TMEM117: variants seen among roughly 807,000 people sequenced by gnomAD.
The protein encoded by TMEM117 is transmembrane protein 117.
A neutral mutation model predicts 52.4 loss-of-function variants in TMEM117; 27 were observed. That is an observed-to-expected ratio of 0.51 (90% CI 0.38 to 0.71). The LOEUF is 0.71. Ranked by LOEUF, TMEM117 falls within the 30% of genes least tolerant of loss-of-function variation. The pLI, the probability that TMEM117 is intolerant of heterozygous loss-of-function variation, is 0.00. For missense variants in TMEM117, 556 were observed against 630.5 expected, an observed-to-expected ratio of 0.88 and a Z score of 1.26; for synonymous variants, 215 against 206.3, an observed-to-expected ratio of 1.04 and a Z score of -0.36.
chr12:44,384,140 A>G (rs1456988024), intron 7 of TMEM117, among the ~76,000 whole-genome samples: 1 of 152,130 alleles, frequency 6.6e-6, no homozygotes, highest in Admixed American at 6.6e-5. Context: ...AAGCATTACC[A>G]AGGTAACGAC....
At chr12:43,917,938 A>G (rs1368252487) in intron 2 of TMEM117, among the ~76,000 whole-genome samples, 2 of 152,116 alleles carry the variant, frequency 1.3e-5, no homozygotes, top group Non-Finnish European at 2.9e-5. Flanking sequence ...TCTCTATTCC[A>G]GTCACTTGGT....
intron 3 of TMEM117, among the ~76,000 whole-genome samples, chr12:43,953,831 C>T (rs188109711): frequency 2.2e-4 from 34 of 152,276 alleles, no homozygotes; most frequent in Admixed American, 7.8e-4. Flanking sequence ...ACTCTCCCCC[C>T]CAAAACAACA....
At chr12:43,865,564 G>A (rs753489816) in intron 2 of TMEM117, among the ~76,000 whole-genome samples, 28 of 152,024 alleles carry the variant, frequency 1.8e-4, no homozygotes, top group Non-Finnish European at 3.2e-4. Context: ...GGGCGTGGTG[G>A]TGCATGTCTG....
intron 3 of TMEM117, among the ~76,000 whole-genome samples, chr12:44,090,837 G>GTTTTTTTTTTTTTTT (rs1565823272): frequency 8.9e-6 from 1 of 112,426 alleles, no homozygotes; most frequent in African/African-American, 5.3e-5. Context: ...CTGTATTTAT[G>GTTTTTTTTTTTTTTT]TGTTTTTTTT....
chr12:44,382,443 T>A (rs141056806), intron 7 of TMEM117, among the ~76,000 whole-genome samples: 7 of 152,232 alleles, frequency 4.6e-5, no homozygotes, highest in Admixed American at 2.0e-4. Flanking sequence ...CTAAAACTTC[T>A]CTTTTCGTAT....
the TMEM117 span, chr12:43,802,567 T>G: frequency 1.2e-6 from 1 of 840,262 alleles, no homozygotes; most frequent in Non-Finnish European, 1.9e-6. Context: ...TCCCAGTTAC[T>G]ATTATTCACA....
At chr12:43,927,666 T>C (rs1306534755) in intron 2 of TMEM117, among the ~76,000 whole-genome samples, 3 of 152,018 alleles carry the variant, frequency 2.0e-5, no homozygotes, top group African/African-American at 7.2e-5. Flanking sequence ...GTAATGATTC[T>C]CTTTATTCCT....
chr12:44,361,869 A>G (rs781301253), intron 6 of TMEM117, among the ~76,000 whole-genome samples: 17 of 152,114 alleles, frequency 1.1e-4, no homozygotes, highest in African/African-American at 2.9e-4. Context: ...ACTAAGGTCT[A>G]TTTCCATCAT....
intron 3 of TMEM117, among the ~76,000 whole-genome samples, chr12:44,026,546 GT>G (rs557515249): frequency 2.6e-5 from 4 of 151,926 alleles, no homozygotes; most frequent in African/African-American, 9.7e-5. Flanking sequence ...AACACTGTAG[GT>G]TTTTTTGTAG....
At position 44,145,676 on chromosome 12, in the gene TMEM117, C is replaced by T. The variant is rs559666312; in HGVS notation, c.510+2052C>T. On this transcript the variant is annotated intron_variant, in intron 4 of 7. Coordinates refer to ENST00000266534, the MANE Select transcript of TMEM117 (RefSeq NM_032256.3). Reference sequence around the variant, plus strand: ...TCAGGATGCCTAGACTTCCTGAGCCCCATAAGTGTGAGCAGCCCACCTTAT... The same window carrying T: ...TCAGGATGCCTAGACTTCCTGAGCCTCATAAGTGTGAGCAGCCCACCTTAT... 5.3e-5 allele frequency among the ~76,000 whole-genome samples: 8 copies of T among 152,252 alleles called. No individual in the cohort carries two copies. In the East Asian group the frequency reaches 1.5e-3, roughly 29 times the overall value.
Position 44,274,493 on chromosome 12 carries a change from C to G in TMEM117, c.609-25087C>G, listed in dbSNP as rs191754801. Among the ~76,000 whole-genome samples, 392 of 152,084 alleles carry G rather than the reference C, an allele frequency of 2.6e-3. 1 individual carries two copies. Among genetic ancestry groups the G allele is most frequent in the African/African-American group, 8.9e-3 (368 of 41,504 alleles). On this transcript the variant is annotated intron_variant, in intron 5 of 7. Transcript: ENST00000266534. ...GTAACAACAAGAGACCCAGAACAGC[C>G]AAAGCTATATTAAGCAAAAAGAACT...
the TMEM117 span, among the ~76,000 whole-genome samples, chr12:44,395,118 G>A: frequency 6.6e-6 from 1 of 152,124 alleles, no homozygotes; most frequent in African/African-American, 2.4e-5. Context: ...GGCCATATCA[G>A]GAAAGATAAC....
chr12:44,077,401 A>G (rs1270608450), intron 3 of TMEM117, among the ~76,000 whole-genome samples: 3 of 152,002 alleles, frequency 2.0e-5, no homozygotes, highest in Admixed American at 6.6e-5. Flanking sequence ...GCCAGAAGGA[A>G]CTCTTTTTTT....
At chr12:44,028,232 T>A (rs73087697) in intron 3 of TMEM117, among the ~76,000 whole-genome samples, 9,320 of 150,688 alleles carry the variant, frequency 0.062, 438 homozygotes, top group African/African-American at 0.13. Context: ...GATTTTTTTT[T>A]AAAGGCATTA....
intron 3 of TMEM117, among the ~76,000 whole-genome samples, chr12:44,034,042 C>G (rs1946674325): frequency 6.6e-6 from 1 of 152,178 alleles, no homozygotes; most frequent in Non-Finnish European, 1.5e-5. Flanking sequence ...TATCCATTTA[C>G]TCTTGATACT....
intron 3 of TMEM117, among the ~76,000 whole-genome samples, chr12:44,003,044 C>T (rs1303588948): frequency 6.6e-6 from 1 of 152,146 alleles, no homozygotes. Context: ...TCTTTTCTCC[C>T]CAACCCTGCC....
At chr12:44,317,818 AGGCAATG>A (rs1951077487) in intron 6 of TMEM117, among the ~76,000 whole-genome samples, 1 of 152,210 alleles carries the variant, frequency 6.6e-6, no homozygotes, top group Non-Finnish European at 1.5e-5. Flanking sequence ...CTGATGCTGC[AGGCAATG>A]GGCTGAACTG....
chr12:44,146,584 G>A (rs952531253), intron 4 of TMEM117, among the ~76,000 whole-genome samples: 1 of 152,172 alleles, frequency 6.6e-6, no homozygotes, highest in African/African-American at 2.4e-5. Flanking sequence ...CACACAGGGA[G>A]GATTCCCAGA....
intron 3 of TMEM117, among the ~76,000 whole-genome samples, chr12:43,994,221 C>G (rs1353513049): frequency 6.6e-6 from 1 of 152,104 alleles, no homozygotes; most frequent in Non-Finnish European, 1.5e-5. Flanking sequence ...CATGCTCTTT[C>G]CAGAGGTAAA....
Sources: gnomAD v4.1 joint callset for allele counts (sites outside exome capture counted in the v4.1 genomes callset) on GRCh38, gnomAD v4.1.1 for gene constraint, MANE v1.5 for transcripts, NCBI Gene and HGNC (gene_info 2026-07-23, HGNC 2026-07-21) for gene names.